The following POLN variants were observed in gnomAD, a reference collection of about 807,000 sequenced individuals.
The protein encoded by POLN is DNA polymerase nu, also known as DNA polymerase N.
Under a neutral mutation model 113.5 loss-of-function variants are expected in POLN, and 108 were observed. The ratio of observed to expected loss-of-function variants is 0.95; its 90% CI spans 0.81 to 1.12. The LOEUF is 1.12. Ranked by LOEUF, POLN falls within the 50% of genes most tolerant of loss-of-function variation. POLN has a pLI of 0.00. For synonymous variants in POLN, 386 were observed against 391.5 expected, an observed-to-expected ratio of 0.99 and a Z score of 0.17; for missense variants, 1,097 against 1,077.1, an observed-to-expected ratio of 1.02 and a Z score of -0.26.
intron 19 of POLN, among the ~76,000 whole-genome samples, chr4:2,099,775 T>C (rs1272840188): frequency 1.3e-5 from 2 of 152,212 alleles, no homozygotes; most frequent in Non-Finnish European, 2.9e-5. Context: ...GGGTGGGATA[T>C]ATGAGAACTC....
chr4:2,190,812 A>G (rs1733420840), intron 7 of POLN, among the ~76,000 whole-genome samples: 1 of 152,232 alleles, frequency 6.6e-6, no homozygotes. Flanking sequence ...AAGGAAAATC[A>G]CAATGAGATA....
In POLN at chr4:2,115,224, A is replaced by AT. The variant is rs1383644469; in HGVS notation, c.1982+12888dup. 4.6e-3 allele frequency among the ~76,000 whole-genome samples: 433 copies of AT among 93,284 alleles called. 1 individual carries two copies. The highest frequency in any genetic ancestry group is 0.018 in the African/African-American group (381 of 21,450). 61.2% of individuals were successfully genotyped at this position (93,284 alleles called of 152,430 possible). A position where few individuals can be genotyped will look rare whatever the true frequency, so the allele number is the denominator to read the frequency against. ...CCACCACAGCTATATATATATATATATATATTTTTTTTTTTGTAGTTTTAG... is the reference window on the plus strand; with the variant it reads ...CCACCACAGCTATATATATATATATATTATATTTTTTTTTTTGTAGTTTTAG... On this transcript the variant is annotated intron_variant, in intron 19 of 25. Transcript: ENST00000511885.
At chr4:2,225,605 T>A (rs1337985546) in intron 3 of POLN, among the ~76,000 whole-genome samples, 1 of 151,488 alleles carries the variant, frequency 6.6e-6, no homozygotes, top group Non-Finnish European at 1.5e-5. Context: ...AGATTTTAGT[T>A]TTTTGTTTGT....
At chr4:2,080,457 G>A in intron 23 of POLN, 1 of 1,153,378 alleles carries the variant, frequency 8.7e-7, no homozygotes, top group Non-Finnish European at 1.1e-6. Flanking sequence ...TGGCACTGGT[G>A]GCAGCAACAG....
At chr4:2,191,484 GA>G (rs1281386200) in intron 7 of POLN, among the ~76,000 whole-genome samples, 1 of 152,080 alleles carries the variant, frequency 6.6e-6, no homozygotes, top group Non-Finnish European at 1.5e-5. Flanking sequence ...GCTAGTAAAG[GA>G]AAATTCAAAT....
rs113977897 is a variant in POLN, at chr4:2,080,301, G to A, written c.2387+657C>T. The stretch of plus-strand genomic sequence containing the variant: ...CCCACACTCTTGAGGAATGTGCCCT[G>A]GGGGAATAACTGAGGCAGGGACAGA... On this transcript the variant is annotated intron_variant, in intron 23 of 25. Transcript: ENST00000511885. 32 of 997,522 alleles carry A rather than the reference G, an allele frequency of 3.2e-5. 2 individuals carry two copies. The African/African-American group carries it at 4.0e-4, about 13-fold the overall frequency. 61.8% of individuals were successfully genotyped at this position (997,522 alleles called of 1,614,324 possible). A position where few individuals can be genotyped will look rare whatever the true frequency, so the allele number is the denominator to read the frequency against.
At chr4:2,214,543 G>A (rs1461211671) in intron 3 of POLN, among the ~76,000 whole-genome samples, 1 of 152,074 alleles carries the variant, frequency 6.6e-6, no homozygotes, top group Non-Finnish European at 1.5e-5. Context: ...ATAGGAAGAG[G>A]CAATACACAA....
chr4:2,199,219 T>G (rs976417229), intron 5 of POLN, among the ~76,000 whole-genome samples: 40 of 152,106 alleles, frequency 2.6e-4, no homozygotes, highest in African/African-American at 9.4e-4. Context: ...TAAGTATAAA[T>G]GAACAAAATA....
intron 2 of POLN, chr4:2,239,161 A>G (rs1391885643): frequency 3.7e-6 from 2 of 536,496 alleles, no homozygotes; most frequent in East Asian, 6.1e-5. Context: ...ATGAAAACTA[A>G]TTTAATATTC....
intron 20 of POLN, among the ~76,000 whole-genome samples, chr4:2,094,808 A>G (rs957659642): frequency 2.6e-5 from 4 of 152,170 alleles, no homozygotes; most frequent in African/African-American, 7.2e-5. Flanking sequence ...CACATTCTCA[A>G]TGGAGACTGT....
chr4:2,154,461 G>A (rs886504098), intron 16 of POLN, among the ~76,000 whole-genome samples: 4 of 152,040 alleles, frequency 2.6e-5, no homozygotes, highest in Non-Finnish European at 4.4e-5. Context: ...TTAAAGAAAT[G>A]GAAATTGAAA....
chr4:2,223,005 C>T (rs1229085975), intron 3 of POLN, among the ~76,000 whole-genome samples: 2 of 152,136 alleles, frequency 1.3e-5, no homozygotes, highest in Non-Finnish European at 2.9e-5. Flanking sequence ...GATCAGGTTC[C>T]CTGAGACTGA....
intron 4 of POLN, among the ~76,000 whole-genome samples, chr4:2,211,297 A>G (rs1733988820): frequency 6.9e-6 from 1 of 145,548 alleles, no homozygotes; most frequent in Non-Finnish European, 1.5e-5. Context: ...AATAATAATA[A>G]TAAGAGGATT....
intron 19 of POLN, among the ~76,000 whole-genome samples, chr4:2,111,998 A>G (rs1731206278): frequency 1.3e-5 from 2 of 152,358 alleles, no homozygotes; most frequent in South Asian, 4.1e-4. Flanking sequence ...TTACAAGGCT[A>G]CAGTAACCAA....
At position 2,231,453 on chromosome 4, in the gene POLN, G is replaced by A. The variant is rs1439119331; in HGVS notation, c.-12-2210C>T. 3 of 153,028 alleles carry A rather than the reference G, an allele frequency of 2.0e-5. No homozygotes were observed. The East Asian group carries it at 5.7e-4, about 29-fold the overall frequency. 9.5% of individuals were successfully genotyped at this position (153,028 alleles called of 1,614,324 possible). ...TTTCTACTAAAATACAAAAAAATTA[G>A]CTGGGTGTGGCGGTGTGCGCCTGTA... On this transcript the variant is annotated intron_variant, in intron 2 of 25. Coordinates refer to ENST00000511885, the MANE Select transcript of POLN (RefSeq NM_181808.4).
intron 23 of POLN, chr4:2,080,478 G>A (rs1730381650): frequency 8.6e-7 from 1 of 1,157,418 alleles, no homozygotes; most frequent in Admixed American, 4.4e-5. Flanking sequence ...GTAGGGGTGG[G>A]GGCAGAGCTG....
chr4:2,078,681 C>T, intron 23 of POLN: 2 of 985,434 alleles, frequency 2.0e-6, no homozygotes, highest in Non-Finnish European at 2.4e-6. Context: ...CCTGGAAGAA[C>T]AAATCACGTT....
At chr4:2,148,565 G>A (rs1208277195) in intron 16 of POLN, among the ~76,000 whole-genome samples, 1 of 152,074 alleles carries the variant, frequency 6.6e-6, no homozygotes, top group Non-Finnish European at 1.5e-5. Context: ...TACTCAGGAG[G>A]CTGAGGCAGG....
intron 8 of POLN, chr4:2,177,365 C>T: frequency 2.3e-6 from 1 of 428,486 alleles, no homozygotes; most frequent in Non-Finnish European, 4.6e-6. Context: ...CATATCCCTG[C>T]TGCTCCCTCT....
Sources: allele counts gnomAD v4.1 joint callset (sites outside exome capture counted in the v4.1 genomes callset), GRCh38; gene constraint gnomAD v4.1.1; transcripts MANE v1.5; gene names NCBI Gene and HGNC (gene_info 2026-07-23, HGNC 2026-07-21).